The following NRG1 variants were observed in gnomAD, a reference collection of about 807,000 sequenced individuals.
NRG1 encodes neuregulin 1, also known as pro-neuregulin-1, membrane-bound isoform.
Under a neutral mutation model 63.8 loss-of-function variants are expected in NRG1, and 18 were observed. That is an observed-to-expected ratio of 0.28 (90% CI 0.19 to 0.42). The LOEUF is 0.42. Among genes scored for constraint, NRG1 ranks in the 10% least tolerant of loss-of-function variants. The pLI is 1.00. For synonymous variants in NRG1, 302 were observed against 301.3 expected (o/e 1.00, Z -0.02); for missense variants, 762 against 814.7 (o/e 0.94, Z 0.79).
intron 1 of NRG1, among the ~76,000 whole-genome samples, chr8:31,729,385 G>A (rs1813789026): frequency 6.6e-6 from 1 of 152,074 alleles, no homozygotes; most frequent in Non-Finnish European, 1.5e-5. Context: ...ACAGAAGAAA[G>A]TGTAATTTGG....
intron 1 of NRG1, among the ~76,000 whole-genome samples, chr8:32,549,254 C>T (rs1054843209): frequency 1.3e-5 from 2 of 152,252 alleles, no homozygotes; most frequent in African/African-American, 4.8e-5. Flanking sequence ...CTGGAATGGG[C>T]CGCCTGGAGG....
rs577788956 is a variant in NRG1, at chr8:32,156,551, T to TA, written c.38-439274dup. Among the ~76,000 whole-genome samples, 408 of 152,308 alleles carry TA rather than the reference T, an allele frequency of 2.7e-3. 4 individuals are homozygous for TA. Among genetic ancestry groups the TA allele is most frequent in the African/African-American group, 9.4e-3 (392 of 41,568 alleles). On this transcript the variant is annotated intron_variant, in intron 1 of 10. Transcript: ENST00000519301. ...AGGTGCAGGCTAAAATTCTATTGAATAAATAATGAATGAAAAGAAAGAATA... is the reference window on the plus strand; with the variant it reads ...AGGTGCAGGCTAAAATTCTATTGAATAAAATAATGAATGAAAAGAAAGAATA...
intron 1 of NRG1, among the ~76,000 whole-genome samples, chr8:31,641,333 G>T (rs1009916829): frequency 7.0e-6 from 1 of 142,250 alleles, no homozygotes; most frequent in Admixed American, 7.1e-5. Flanking sequence ...TATTGGTGGG[G>T]GTTTTTTTTT....
chr8:32,649,197 G>C (rs1032221327), intron 5 of NRG1, among the ~76,000 whole-genome samples: 2 of 130,936 alleles, frequency 1.5e-5, no homozygotes. Context: ...TGTCATCTTA[G>C]TCTGGCAGAT....
intron 1 of NRG1, among the ~76,000 whole-genome samples, chr8:32,557,545 T>C (rs976903350): frequency 1.3e-5 from 2 of 152,172 alleles, no homozygotes; most frequent in Non-Finnish European, 2.9e-5. Context: ...GAAACAGTTA[T>C]AATAGCAGTC....
chr8:32,605,830 G>A, intron 3 of NRG1, 147 bp downstream of exon 3: 1 of 907,040 alleles, frequency 1.1e-6, no homozygotes. Context: ...CAAGGATCTT[G>A]TATGTCTTTC....
At chr8:32,041,249 C>T (rs1002212816) in intron 1 of NRG1, among the ~76,000 whole-genome samples, 11 of 152,242 alleles carry the variant, frequency 7.2e-5, no homozygotes, top group African/African-American at 1.9e-4. Context: ...ACAACTTACA[C>T]ACAACAAGAT....
At chr8:32,704,648 C>T (rs1387576863) in intron 5 of NRG1, among the ~76,000 whole-genome samples, 1 of 152,168 alleles carries the variant, frequency 6.6e-6, no homozygotes, top group Non-Finnish European at 1.5e-5. Flanking sequence ...TTAAGTGTTG[C>T]CTGCACTTCT....
chr8:32,080,336 G>A (rs944177928), intron 1 of NRG1, among the ~76,000 whole-genome samples: 1 of 152,166 alleles, frequency 6.6e-6, no homozygotes, highest in Non-Finnish European at 1.5e-5. Flanking sequence ...AAAGAGAAGT[G>A]TCGCATCCCT....
intron 1 of NRG1, among the ~76,000 whole-genome samples, chr8:32,127,771 G>A (rs1296208659): frequency 6.6e-6 from 1 of 151,672 alleles, no homozygotes. Flanking sequence ...TTATCAGTGG[G>A]ATGGTGATTC....
chr8:32,094,836 T>C (rs1295175733), intron 1 of NRG1, among the ~76,000 whole-genome samples: 1 of 124,414 alleles, frequency 8.0e-6, no homozygotes, highest in Non-Finnish European at 1.7e-5. Context: ...CCACAATTAC[T>C]TAAAAAGAAA....
At chr8:32,378,392 C>T (rs942954067) in intron 1 of NRG1, among the ~76,000 whole-genome samples, 1 of 152,164 alleles carries the variant, frequency 6.6e-6, no homozygotes, top group Non-Finnish European at 1.5e-5. Flanking sequence ...TGAGTGCCTA[C>T]CATGACAGCC....
intron 1 of NRG1, among the ~76,000 whole-genome samples, chr8:32,149,001 A>G (rs1837206196): frequency 6.6e-6 from 1 of 152,196 alleles, no homozygotes; most frequent in Non-Finnish European, 1.5e-5. Flanking sequence ...ATTAAGAATG[A>G]CTTTGACAAG....
At chr8:32,392,857 A>G (rs1811950823) in intron 1 of NRG1, among the ~76,000 whole-genome samples, 1 of 151,372 alleles carries the variant, frequency 6.6e-6, no homozygotes, top group Non-Finnish European at 1.5e-5. Flanking sequence ...CAGCAAGTAC[A>G]TGTGTTTTAA....
chr8:32,352,534 A>G (rs1489983729), intron 1 of NRG1, among the ~76,000 whole-genome samples: 2 of 152,182 alleles, frequency 1.3e-5, no homozygotes, highest in East Asian at 3.9e-4. Flanking sequence ...AAACAAGTCC[A>G]AAATATTGAA....
intron 1 of NRG1, among the ~76,000 whole-genome samples, chr8:32,582,851 G>T (rs914118864): frequency 7.2e-5 from 11 of 152,152 alleles, no homozygotes; most frequent in African/African-American, 2.7e-4. Flanking sequence ...GGTTTTCTGA[G>T]AACTGCAGTA....
chr8:32,430,348 A>C (rs1333060314), intron 1 of NRG1, among the ~76,000 whole-genome samples: 1 of 152,204 alleles, frequency 6.6e-6, no homozygotes, highest in Non-Finnish European at 1.5e-5. Context: ...GGAAGTAGAG[A>C]AATCTGGTAC....
At position 32,052,884 on chromosome 8, in the gene NRG1, G is replaced by A. The variant is rs532040460; in HGVS notation, c.37+413453G>A. Among the ~76,000 whole-genome samples, 4 of 152,266 alleles carry A rather than the reference G, an allele frequency of 2.6e-5. No individual in the cohort carries two copies. In the South Asian group the frequency reaches 8.3e-4, roughly 32 times the overall value. Reference sequence around the variant, plus strand: ...ACCAGGGTTCTTCCTACATGTTTATGTTGAATGTGGAGAAGGTGAGGTTAC... The same window carrying A: ...ACCAGGGTTCTTCCTACATGTTTATATTGAATGTGGAGAAGGTGAGGTTAC... On this transcript the variant is annotated intron_variant, in intron 1 of 10. Coordinates refer to the NRG1 transcript ENST00000519301.
chr8:32,134,197 T>A (rs960489130), intron 1 of NRG1, among the ~76,000 whole-genome samples: 4 of 152,258 alleles, frequency 2.6e-5, no homozygotes, highest in South Asian at 4.1e-4. Flanking sequence ...TTTTTTTAAA[T>A]ATATGAATGA....
Sources: gnomAD v4.1 joint callset for allele counts (sites outside exome capture counted in the v4.1 genomes callset) on GRCh38, gnomAD v4.1.1 for gene constraint, MANE v1.5 for transcripts, NCBI Gene and HGNC (gene_info 2026-07-23, HGNC 2026-07-21) for gene names.